IL1RAPL1: variants seen among roughly 807,000 people sequenced by gnomAD.
The protein encoded by IL1RAPL1 is interleukin 1 receptor accessory protein like 1, also known as interleukin-1 receptor accessory protein-like 1.
A neutral mutation model predicts 48.4 loss-of-function variants in IL1RAPL1; 3 were observed. The ratio of observed to expected loss-of-function variants is 0.06; its 90% CI spans 0.03 to 0.16. IL1RAPL1 has a LOEUF of 0.16. Ranked by LOEUF, IL1RAPL1 falls within the 10% of genes least tolerant of loss-of-function variation. The pLI, the probability that IL1RAPL1 is intolerant of heterozygous loss-of-function variation, is 1.00. For synonymous variants in IL1RAPL1, 185 were observed against 187.7 expected (o/e 0.99, Z 0.12); for missense variants, 349 against 530.6 (o/e 0.66, Z 3.36).
intron 2 of IL1RAPL1, among the ~76,000 whole-genome samples, chrX:29,239,743 A>C (rs1931371987): frequency 9.1e-6 from 1 of 109,422 alleles, no homozygotes; most frequent in Non-Finnish European, 1.9e-5. Context: ...TTTTTAGCTC[A>C]TCAGCTATCA....
At chrX:29,397,630 C>A (rs1933934834) in intron 4 of IL1RAPL1, among the ~76,000 whole-genome samples, 1 of 110,583 alleles carries the variant, frequency 9.0e-6, no homozygotes, top group Non-Finnish European at 1.9e-5. Flanking sequence ...TTATCCTTAA[C>A]CACCCTCACA....
intron 6 of IL1RAPL1, among the ~76,000 whole-genome samples, chrX:29,707,741 C>T (rs1434829357): frequency 2.7e-5 from 3 of 110,520 alleles, no homozygotes; most frequent in Admixed American, 9.8e-5. Context: ...GCTATGAGGA[C>T]GCAAAGGCAT....
At chrX:29,393,417 T>G (rs1426326527) in intron 3 of IL1RAPL1, among the ~76,000 whole-genome samples, 2 of 111,866 alleles carry the variant, frequency 1.8e-5, no homozygotes, top group African/African-American at 6.5e-5. Context: ...CACCGCGCCC[T>G]GCCAACTTTC....
chrX:29,056,968 C>T (rs1306911110), intron 2 of IL1RAPL1, among the ~76,000 whole-genome samples: 1 of 111,790 alleles, frequency 8.9e-6, no homozygotes, highest in African/African-American at 3.2e-5. Context: ...CATAAATGAC[C>T]ATGTTAGTTT....
At chrX:29,352,478 T>G (rs953951113) in intron 3 of IL1RAPL1, among the ~76,000 whole-genome samples, 21 of 111,668 alleles carry the variant, frequency 1.9e-4, no homozygotes, top group African/African-American at 6.8e-4. Context: ...ATTTGTGCTG[T>G]AAATCTATCT....
intron 3 of IL1RAPL1, among the ~76,000 whole-genome samples, chrX:29,352,149 T>A (rs1369651958): frequency 8.9e-6 from 1 of 112,350 alleles, no homozygotes; most frequent in East Asian, 2.8e-4. Flanking sequence ...GTTTTAAAAT[T>A]GCTGGCTGAT....
intron 2 of IL1RAPL1, among the ~76,000 whole-genome samples, chrX:28,952,402 T>G (rs1924494645): frequency 9.0e-6 from 1 of 111,512 alleles, no homozygotes; most frequent in Non-Finnish European, 1.9e-5. Flanking sequence ...GTAACATACA[T>G]AAGGACAACG....
At chrX:29,675,541 T>A (rs910477103) in intron 6 of IL1RAPL1, among the ~76,000 whole-genome samples, 1 of 112,425 alleles carries the variant, frequency 8.9e-6, no homozygotes, top group Non-Finnish European at 1.9e-5. Context: ...ATGAAGAACT[T>A]TAGGAGGTGG....
In IL1RAPL1 at chrX:29,231,730, G is replaced by A. The variant is rs775733307; in HGVS notation, c.83-51208G>A. Reference sequence around the variant, plus strand: ...GAGATGGAAACCCAAACTACACATTGTTAGTCAGTAGGTGACTCCCCCAGT... The same window carrying A: ...GAGATGGAAACCCAAACTACACATTATTAGTCAGTAGGTGACTCCCCCAGT... On this transcript the variant is annotated intron_variant, in intron 2 of 10. Coordinates refer to ENST00000378993, the MANE Select transcript of IL1RAPL1 (RefSeq NM_014271.4). Among the ~76,000 whole-genome samples the A allele has an allele frequency of 3.6e-5, 4 of 111,748 alleles. No homozygotes were observed. In the South Asian group the frequency reaches 1.5e-3, roughly 42 times the overall value.
chrX:29,123,690 T>C (rs904711652), intron 2 of IL1RAPL1, among the ~76,000 whole-genome samples: 3 of 111,287 alleles, frequency 2.7e-5, no homozygotes, highest in Non-Finnish European at 3.8e-5. Flanking sequence ...ACCTGATGTA[T>C]TTAAAAATTT....
intron 2 of IL1RAPL1, among the ~76,000 whole-genome samples, chrX:28,825,993 G>A: frequency 9.0e-6 from 1 of 111,300 alleles, no homozygotes; most frequent in Non-Finnish European, 1.9e-5. Flanking sequence ...CAAAATTATG[G>A]AAATGCTGAG....
chrX:29,699,299 C>A (rs1354626541), intron 6 of IL1RAPL1, among the ~76,000 whole-genome samples: 2 of 112,314 alleles, frequency 1.8e-5, no homozygotes, highest in Non-Finnish European at 3.8e-5. Context: ...TTATTTTAAT[C>A]ATTGGCTTTT....
At chrX:29,757,604 G>T (rs1569161183) in intron 6 of IL1RAPL1, among the ~76,000 whole-genome samples, 1 of 111,948 alleles carries the variant, frequency 8.9e-6, no homozygotes, top group East Asian at 2.8e-4. Context: ...TAAGTAATTA[G>T]AAACAAAACA....
At chrX:29,908,069 T>A (rs1932678269) in intron 6 of IL1RAPL1, among the ~76,000 whole-genome samples, 1 of 110,938 alleles carries the variant, frequency 9.0e-6, no homozygotes, top group Non-Finnish European at 1.9e-5. Context: ...TACATTAAAT[T>A]TATTGCTACA....
At chrX:29,904,943 G>A (rs369968258) in intron 6 of IL1RAPL1, among the ~76,000 whole-genome samples, 3 of 111,642 alleles carry the variant, frequency 2.7e-5, no homozygotes, top group East Asian at 5.6e-4. Flanking sequence ...TTGAGGAATC[G>A]CCACACTGTC....
At chrX:28,733,251 T>A (rs1935778318) in intron 1 of IL1RAPL1, among the ~76,000 whole-genome samples, 1 of 111,413 alleles carries the variant, frequency 9.0e-6, no homozygotes, top group Non-Finnish European at 1.9e-5. Context: ...AAAATACTTC[T>A]AAAATAGTAA....
At chrX:29,057,469 C>T (rs1417235546) in intron 2 of IL1RAPL1, among the ~76,000 whole-genome samples, 1 of 108,729 alleles carries the variant, frequency 9.2e-6, no homozygotes, top group African/African-American at 3.4e-5. Flanking sequence ...CGCTCGTCAC[C>T]CAGGATGGAG....
chrX:29,785,510 C>A (rs1331267703), intron 6 of IL1RAPL1, among the ~76,000 whole-genome samples: 1 of 112,023 alleles, frequency 8.9e-6, no homozygotes, highest in East Asian at 2.8e-4. Context: ...TTTACAGATG[C>A]TTTATACATC....
At chrX:29,926,288 A>T (rs910022476) in intron 8 of IL1RAPL1, among the ~76,000 whole-genome samples, 17 of 112,317 alleles carry the variant, frequency 1.5e-4, no homozygotes, top group Admixed American at 1.4e-3. Context: ...TCTGCTGATG[A>T]TTAACTTTTT....
Sources: allele counts gnomAD v4.1 joint callset (sites outside exome capture counted in the v4.1 genomes callset), GRCh38; gene constraint gnomAD v4.1.1; transcripts MANE v1.5; gene names NCBI Gene and HGNC (gene_info 2026-07-23, HGNC 2026-07-21).